Variants in PPP3CC observed in about 807,000 individuals in gnomAD.
PPP3CC encodes the protein protein phosphatase 3 catalytic subunit gamma, also known as serine/threonine-protein phosphatase 2B catalytic subunit gamma isoform.
A neutral mutation model predicts 60.3 loss-of-function variants in PPP3CC; 35 were observed. The ratio of observed to expected loss-of-function variants is 0.58; its 90% CI spans 0.44 to 0.77. The LOEUF is 0.77. Among genes scored for constraint, PPP3CC ranks in the 30% least tolerant of loss-of-function variants. PPP3CC has a pLI of 0.00. For synonymous variants in PPP3CC, 206 were observed against 224.3 expected, an observed-to-expected ratio of 0.92 and a Z score of 0.73; for missense variants, 570 against 628.9, an observed-to-expected ratio of 0.91 and a Z score of 1.00.
intron 3 of PPP3CC, among the ~76,000 whole-genome samples, chr8:22,485,361 C>T (rs1838194263): frequency 6.6e-6 from 1 of 152,178 alleles, no homozygotes; most frequent in Non-Finnish European, 1.5e-5. Flanking sequence ...GGAAAAATCC[C>T]TTCCCTGAGA....
intron 12 of PPP3CC, among the ~76,000 whole-genome samples, chr8:22,536,965 G>A (rs2117159847): frequency 6.6e-6 from 1 of 152,218 alleles, no homozygotes; most frequent in African/African-American, 2.4e-5. Context: ...TAAAAATAAA[G>A]CCAATAGCCA....
rs1839620439 is a variant in PPP3CC at position 22,528,515 on chromosome 8, T to C, written c.1079T>C (p.Met360Thr). 6.5e-7 allele frequency: 1 copy of C among 1,539,328 alleles called. No individual in the cohort carries two copies. The highest frequency in any genetic ancestry group is 8.8e-7 in the Non-Finnish European group (1 of 1,136,788). The part of the protein sequence containing the change: ...LPFVGEKVTE[M>T]LVNVLNICSD... ...ATTTTGTCTTACTTAGTCACAGAGA[T>C]GCTGGTAAATGTGCTCAACATATGC... is the stretch of plus-strand genomic sequence containing the variant. Residue 360 changes from methionine (M) to threonine (T), a missense_variant, in exon 10 of 14, where the codon ATG becomes ACG. Transcript: ENST00000240139.
Position 22,443,883 on chromosome 8 carries a change from C to G in PPP3CC, c.49+2425C>G, listed in dbSNP as rs117124472. ...ATTGTAACGGGTACTAAACCCTGGT[C>G]TGATGCTATCTTGTTTAGTCACAGC... On this transcript the variant is annotated intron_variant, in intron 1 of 13. Coordinates refer to ENST00000240139, the MANE Select transcript of PPP3CC (RefSeq NM_005605.5). Among the ~76,000 whole-genome samples, 1,456 of 152,286 alleles carry G rather than the reference C, an allele frequency of 9.6e-3. 28 individuals are homozygous for G. The highest frequency in any genetic ancestry group is 0.085 in the East Asian group (439 of 5,182).
At position 22,522,742 on chromosome 8, in the gene PPP3CC, C is replaced by T. The variant is rs751812932; in HGVS notation, c.936C>T (p.Asn312=). ...CCCCCAATTACCTAGATGTCTATAACAATAAAGGTAAAGGAATCCAGCAAT... is the reference window on the plus strand; with the variant it reads ...CCCCCAATTACCTAGATGTCTATAATAATAAAGGTAAAGGAATCCAGCAAT... The part of the protein sequence containing the change: ...FSAPNYLDVY[N]NKAAVLKYEN... Residue 312 remains asparagine, a synonymous_variant, in exon 8 of 14, where the codon AAC becomes AAT. Coordinates refer to ENST00000240139, the MANE Select transcript of PPP3CC (RefSeq NM_005605.5). 1 of 1,565,894 alleles carries T rather than the reference C, an allele frequency of 6.4e-7. No individual in the cohort carries two copies. Among genetic ancestry groups the T allele is most frequent in the Admixed American group, 1.7e-5 (1 of 59,654 alleles).
At chr8:22,442,516 C>T (rs1836702318) in intron 1 of PPP3CC, among the ~76,000 whole-genome samples, 1 of 152,102 alleles carries the variant, frequency 6.6e-6, no homozygotes, top group Admixed American at 6.5e-5. Flanking sequence ...ACTTAGGTTT[C>T]CCCCCTCTCT....
chr8:22,522,412 C>T, intron 6 of PPP3CC, 79 bp from the exon 7 acceptor site: 1 of 1,125,992 alleles, frequency 8.9e-7, no homozygotes. Context: ...CAGCTAATAT[C>T]ACCTTGACTT....
At position 22,540,869 on chromosome 8, in the gene PPP3CC, G is replaced by A; in HGVS notation, c.*67G>A. On this transcript the variant is annotated 3_prime_UTR_variant, in exon 14 of 14. Coordinates refer to ENST00000240139, the MANE Select transcript of PPP3CC (RefSeq NM_005605.5). Reference sequence around the variant, plus strand: ...AACAAATTCTATTTATTTATTATTGGAAAATGAAAAGCAACTCAAAACAAC... The same window carrying A: ...AACAAATTCTATTTATTTATTATTGAAAAATGAAAAGCAACTCAAAACAAC... 1 of 1,362,438 alleles carries A rather than the reference G, an allele frequency of 7.3e-7. No individual in the cohort carries two copies. The highest frequency in any genetic ancestry group is 2.0e-4 in the Middle Eastern group (1 of 5,014). 84.4% of individuals were successfully genotyped at this position (1,362,438 alleles called of 1,614,324 possible). A position where few individuals can be genotyped will look rare whatever the true frequency, so the allele number is the denominator to read the frequency against.
chr8:22,491,613 T>C lies in PPP3CC; in HGVS notation c.373-6388T>C, dbSNP rs561362412. Among the ~76,000 whole-genome samples the C allele has an allele frequency of 5.3e-5, 8 of 152,314 alleles. 1 individual carries two copies. The East Asian group carries it at 1.5e-3, about 29-fold the overall frequency. On this transcript the variant is annotated intron_variant, in intron 3 of 13. Transcript: ENST00000240139. ...GCTGCTTTATCTGAGTCCCACAGAT[T>C]TGGACATGTATTGCTTTCATTATCA...
chr8:22,497,982 G>T lies in PPP3CC; in HGVS notation c.373-19G>T, dbSNP rs780570886. On this transcript the variant is annotated intron_variant, in intron 3 of 13. Coordinates refer to ENST00000240139, the MANE Select transcript of PPP3CC (RefSeq NM_005605.5). ...ATAATGGTCACAAAGAAAATTTTAT[G>T]CTTGAATTTGTCTTGTAGTGTGTGC... The T allele has an allele frequency of 6.5e-7, 1 of 1,529,838 alleles. No individual in the cohort carries two copies. Among genetic ancestry groups the T allele is most frequent in the South Asian group, 1.2e-5 (1 of 84,080 alleles). 94.8% of individuals were successfully genotyped at this position (1,529,838 alleles called of 1,614,324 possible). A position where few individuals can be genotyped will look rare whatever the true frequency, so the allele number is the denominator to read the frequency against.
intron 4 of PPP3CC, among the ~76,000 whole-genome samples, chr8:22,502,140 C>T (rs145789148): frequency 1.3e-5 from 2 of 152,178 alleles, no homozygotes; most frequent in Admixed American, 6.5e-5. Context: ...ATCATACTTA[C>T]AGTTTTCATC....
chr8:22,533,556 G>T (rs1274041818), intron 12 of PPP3CC, among the ~76,000 whole-genome samples: 1 of 152,250 alleles, frequency 6.6e-6, no homozygotes, highest in Non-Finnish European at 1.5e-5. Context: ...CTGGCACAGT[G>T]GCTCACGCCT....
Position 22,490,121 on chromosome 8 carries a change from C to A in PPP3CC, c.373-7880C>A, listed in dbSNP as rs1295036091. On this transcript the variant is annotated intron_variant, in intron 3 of 13. Coordinates refer to ENST00000240139, the MANE Select transcript of PPP3CC (RefSeq NM_005605.5). ...TATAGGCGTGAGCTGCCGTGCTGAG[C>A]CAATACATCTAATATATTAATTTTT... 2.0e-5 allele frequency among the ~76,000 whole-genome samples: 3 copies of A among 152,038 alleles called. No homozygotes were observed. In the East Asian group the frequency reaches 5.8e-4, roughly 29 times the overall value.
chr8:22,491,790 A>G (rs973858106), intron 3 of PPP3CC, among the ~76,000 whole-genome samples: 1 of 152,194 alleles, frequency 6.6e-6, no homozygotes, highest in African/African-American at 2.4e-5. Flanking sequence ...TGATTGGAAT[A>G]ATACTCATTC....
intron 8 of PPP3CC, chr8:22,523,649 C>T (rs141580093): frequency 8.8e-6 from 4 of 453,996 alleles, no homozygotes; most frequent in East Asian, 7.0e-5. Flanking sequence ...TCAGAGTCTG[C>T]GACACATTCT....
At chr8:22,489,259 G>T (rs1838309019) in intron 3 of PPP3CC, among the ~76,000 whole-genome samples, 1 of 151,980 alleles carries the variant, frequency 6.6e-6, no homozygotes, top group African/African-American at 2.4e-5. Flanking sequence ...TTTTGAGGAG[G>T]TGGGAAAGTC....
intron 3 of PPP3CC, among the ~76,000 whole-genome samples, chr8:22,478,504 G>A (rs113521978): frequency 0.015 from 2,267 of 152,224 alleles, 22 homozygotes; most frequent in Non-Finnish European, 0.024. Context: ...TGATTAACTC[G>A]TATAACTTAA....
intron 3 of PPP3CC, among the ~76,000 whole-genome samples, chr8:22,482,635 TA>T (rs1384836291): frequency 1.3e-5 from 2 of 152,160 alleles, no homozygotes; most frequent in East Asian, 3.8e-4. Context: ...ATGAAGCATA[TA>T]AAAGTTTTGT....
At chr8:22,452,458 A>G (rs774647868) in intron 1 of PPP3CC, among the ~76,000 whole-genome samples, 1 of 151,688 alleles carries the variant, frequency 6.6e-6, no homozygotes, top group African/African-American at 2.4e-5. Flanking sequence ...GTTTGAGAAC[A>G]TGGGCTTCAG....
intron 3 of PPP3CC, among the ~76,000 whole-genome samples, chr8:22,478,911 A>C (rs1837979271): frequency 6.6e-6 from 1 of 152,204 alleles, no homozygotes; most frequent in African/African-American, 2.4e-5. Context: ...TTATTCTGTT[A>C]ATTAGATGTT....
Sources: gnomAD v4.1 joint callset for allele counts (sites outside exome capture counted in the v4.1 genomes callset) on GRCh38, gnomAD v4.1.1 for gene constraint, MANE v1.5 for transcripts, NCBI Gene and HGNC (gene_info 2026-07-23, HGNC 2026-07-21) for gene names.